Variants in TRPS1 observed in about 807,000 individuals in gnomAD.
TRPS1 encodes the protein zinc finger transcription factor Trps1.
In TRPS1, 6 loss-of-function variants were observed where a neutral mutation model predicts 101.2. The observed-to-expected ratio is 0.06, with a 90% confidence interval of 0.03 to 0.12. The LOEUF is 0.12. Ranked by LOEUF, TRPS1 falls within the 10% of genes least tolerant of loss-of-function variation. The probability of loss-of-function intolerance (pLI) is 1.00; values close to 1 mark genes in which losing one functional copy is unlikely to be tolerated. For synonymous variants in TRPS1, 578 were observed against 589.8 expected, an observed-to-expected ratio of 0.98 and a Z score of 0.29; for missense variants, 1,363 against 1,567.0, an observed-to-expected ratio of 0.87 and a Z score of 2.20.
At chr8:115,543,590 T>C (rs924315235) in intron 5 of TRPS1, among the ~76,000 whole-genome samples, 22 of 141,970 alleles carry the variant, frequency 1.5e-4, no homozygotes, top group African/African-American at 4.8e-4. Flanking sequence ...GCTAACTCTT[T>C]AGCAAATTGA....
intron 1 of TRPS1, among the ~76,000 whole-genome samples, chr8:115,637,959 C>T (rs1479862040): frequency 6.6e-6 from 1 of 152,062 alleles, no homozygotes; most frequent in Non-Finnish European, 1.5e-5. Flanking sequence ...AGCATTTTAC[C>T]AGGTTTTCCA....
At chr8:115,571,080 TTA>T (rs1419919995) in intron 5 of TRPS1, among the ~76,000 whole-genome samples, 1 of 152,204 alleles carries the variant, frequency 6.6e-6, no homozygotes, top group African/African-American at 2.4e-5. Context: ...TATAGTTAGG[TTA>T]GCTATTATGA....
intron 5 of TRPS1, among the ~76,000 whole-genome samples, chr8:115,442,550 CGTGTGTGTGT>C (rs10570037): frequency 4.8e-5 from 7 of 145,102 alleles, no homozygotes; most frequent in East Asian, 2.1e-4. Context: ...AAGTATGGTG[CGTGTGTGTGT>C]GTGTGTGTGT....
At chr8:115,632,342 T>C (rs1247351965) in intron 1 of TRPS1, among the ~76,000 whole-genome samples, 1 of 152,064 alleles carries the variant, frequency 6.6e-6, no homozygotes, top group Non-Finnish European at 1.5e-5. Flanking sequence ...AAAAAATAAA[T>C]AGTTTATCTT....
At chr8:115,662,542 A>G (rs1018456971) in intron 1 of TRPS1, among the ~76,000 whole-genome samples, 6 of 152,056 alleles carry the variant, frequency 3.9e-5, no homozygotes, top group Non-Finnish European at 7.4e-5. Context: ...AGAGAACACT[A>G]GCACAAATCT....
intron 5 of TRPS1, among the ~76,000 whole-genome samples, chr8:115,550,982 A>C (rs1394874684): frequency 1.3e-5 from 2 of 152,196 alleles, no homozygotes; most frequent in African/African-American, 4.8e-5. Context: ...ATAATCTCAC[A>C]GTGACTCCTG....
intron 5 of TRPS1, among the ~76,000 whole-genome samples, chr8:115,462,121 A>G (rs933519814): frequency 2.0e-5 from 3 of 152,192 alleles, no homozygotes; most frequent in African/African-American, 7.2e-5. Flanking sequence ...TAATGAAGGT[A>G]TTCTGAGGAA....
chr8:115,494,009 G>T (rs1042806902), intron 5 of TRPS1, among the ~76,000 whole-genome samples: 3 of 151,980 alleles, frequency 2.0e-5, no homozygotes, highest in Non-Finnish European at 4.4e-5. Context: ...AAATATATTC[G>T]ATCATTTCAT....
chr8:115,512,163 G>A (rs1047787977), intron 5 of TRPS1, among the ~76,000 whole-genome samples: 1 of 151,536 alleles, frequency 6.6e-6, no homozygotes, highest in African/African-American at 2.4e-5. Context: ...GCTGAAACTT[G>A]GCAAACAAGA....
intron 5 of TRPS1, among the ~76,000 whole-genome samples, chr8:115,533,441 T>TTTTTTTTTTTTG (rs1816193103): frequency 8.0e-6 from 1 of 124,466 alleles, no homozygotes; most frequent in South Asian, 2.8e-4. Context: ...AATCTGTTTT[T>TTTTTTTTTTTTG]TTTTTTTTTT....
intron 5 of TRPS1, among the ~76,000 whole-genome samples, chr8:115,460,569 C>T (rs963941138): frequency 6.6e-6 from 1 of 151,646 alleles, no homozygotes; most frequent in Non-Finnish European, 1.5e-5. Flanking sequence ...AATTTTAGGG[C>T]AAAATTTTGC....
chr8:115,563,476 T>G (rs1816996024), intron 5 of TRPS1, among the ~76,000 whole-genome samples: 1 of 152,140 alleles, frequency 6.6e-6, no homozygotes, highest in Non-Finnish European at 1.5e-5. Flanking sequence ...CCTCTGCTAA[T>G]CACTAAACCG....
At chr8:115,611,816 G>C (rs1350124500) in intron 3 of TRPS1, among the ~76,000 whole-genome samples, 1 of 152,168 alleles carries the variant, frequency 6.6e-6, no homozygotes, top group Non-Finnish European at 1.5e-5. Context: ...TATGTAATAA[G>C]TAATATAAAT....
In TRPS1 at chr8:115,410,371, T is replaced by C. The variant is rs995976462; in HGVS notation, c.*3652A>G. On this transcript the variant is annotated 3_prime_UTR_variant, in exon 7 of 7. Transcript: ENST00000395715. The stretch of plus-strand genomic sequence containing the variant: ...CAAAGAGCTGTTAAAGATACTTTTT[T>C]CCCTTCTCATTAATATTACCTTAGA... The C allele has an allele frequency of 6.6e-6, 1 of 152,516 alleles. No homozygotes were observed. Among genetic ancestry groups the C allele is most frequent in the Non-Finnish European group, 1.5e-5 (1 of 67,994 alleles). The allele number at this position is 152,516 out of a possible 1,614,324, so 9.4% of individuals were successfully genotyped here.
chr8:115,645,675 T>TA (rs1563667196), intron 1 of TRPS1, among the ~76,000 whole-genome samples: 2 of 152,188 alleles, frequency 1.3e-5, no homozygotes, highest in Admixed American at 1.3e-4. Context: ...TCATATTTTT[T>TA]AAATCATGTA....
At chr8:115,658,207 G>A (rs141390879) in intron 1 of TRPS1, among the ~76,000 whole-genome samples, 1 of 152,128 alleles carries the variant, frequency 6.6e-6, no homozygotes, top group African/African-American at 2.4e-5. Context: ...AAGAAATCTA[G>A]TTGTGCTTCC....
At chr8:115,592,824 C>T (rs1193044655) in intron 4 of TRPS1, among the ~76,000 whole-genome samples, 1 of 152,108 alleles carries the variant, frequency 6.6e-6, no homozygotes, top group African/African-American at 2.4e-5. Flanking sequence ...TTTCCCAGAT[C>T]CTGATAATAC....
rs1172294966 is a variant in TRPS1, at chr8:115,433,058, TG to T, written c.2701-14607del. On this transcript the variant is annotated intron_variant, in intron 5 of 6. Coordinates refer to ENST00000395715, the MANE Select transcript of TRPS1 (RefSeq NM_014112.5). ...AAGACACTCAAGTATTACAAACATT[TG>T]TGGCCAGTTAAGAAGTGATATAGAA... 2.0e-5 allele frequency among the ~76,000 whole-genome samples: 3 copies of T among 152,038 alleles called. No individual in the cohort carries two copies. In the East Asian group the frequency reaches 5.8e-4, roughly 29 times the overall value.
intron 6 of TRPS1, among the ~76,000 whole-genome samples, chr8:115,415,699 G>A (rs534790343): frequency 6.6e-6 from 1 of 152,214 alleles, no homozygotes; most frequent in African/African-American, 2.4e-5. Flanking sequence ...ACTATGTGAG[G>A]GCACAGATAG....
Sources: allele counts gnomAD v4.1 joint callset (sites outside exome capture counted in the v4.1 genomes callset), GRCh38; gene constraint gnomAD v4.1.1; transcripts MANE v1.5; gene names NCBI Gene and HGNC (gene_info 2026-07-23, HGNC 2026-07-21).